Variants in LONP2 observed in about 807,000 individuals in gnomAD.
LONP2 encodes the protein lon protease homolog 2, peroxisomal.
A neutral mutation model predicts 85.6 loss-of-function variants in LONP2; 60 were observed. That is an observed-to-expected ratio of 0.70 (90% CI 0.57 to 0.87). The LOEUF (loss-of-function observed/expected upper bound fraction) is 0.87, where lower values mean the gene tolerates loss of function less well. Ranked by LOEUF, LONP2 falls within the 40% of genes least tolerant of loss-of-function variation. The pLI is 0.00. For synonymous variants in LONP2, 395 were observed against 389.7 expected (o/e 1.01, Z -0.16); for missense variants, 860 against 1,063.5 (o/e 0.81, Z 2.66).
intron 4 of LONP2, 82 bp downstream of exon 4, chr16:48,258,822 G>A (rs1971818366): frequency 3.1e-6 from 4 of 1,291,030 alleles, no homozygotes; most frequent in Non-Finnish European, 4.2e-6. Context: ...AAAGTTTATT[G>A]TCTCCTACCA....
At chr16:48,331,208 C>A (rs148430529) in intron 11 of LONP2, among the ~76,000 whole-genome samples, 59 of 152,304 alleles carry the variant, frequency 3.9e-4, no homozygotes, top group African/African-American at 1.4e-3. Context: ...TTTAATTAAG[C>A]AATGACACCT....
In LONP2 at chr16:48,347,296, G is replaced by C. The variant is rs143342431; in HGVS notation, c.1939-211G>C. On this transcript the variant is annotated intron_variant, in intron 12 of 14. Transcript: ENST00000285737. ...TATATTTTAAGGTAAAATTGCCTCT[G>C]ATAAATGTCAAAGAGGAAGTTTAGG... 4.6e-4 allele frequency among the ~76,000 whole-genome samples: 70 copies of C among 152,312 alleles called. 1 individual carries two copies. The highest frequency in any genetic ancestry group is 4.4e-3 in the Admixed American group (67 of 15,304).
intron 12 of LONP2, among the ~76,000 whole-genome samples, chr16:48,341,850 C>T (rs1288224850): frequency 6.6e-6 from 1 of 152,196 alleles, no homozygotes; most frequent in Non-Finnish European, 1.5e-5. Flanking sequence ...GCTCACACTG[C>T]ATGTGCTATC....
intron 12 of LONP2, 168 bp downstream of exon 12, chr16:48,334,526 C>A: frequency 1.3e-6 from 1 of 793,852 alleles, no homozygotes; most frequent in Non-Finnish European, 2.2e-6. Flanking sequence ...CTTCTTGCAG[C>A]AGTTGACTGC....
In LONP2 at chr16:48,341,301, A is replaced by AAAAT. The variant is rs371563291; in HGVS notation, c.1939-6180_1939-6177dup. 3.5e-3 allele frequency among the ~76,000 whole-genome samples: 535 copies of AAAAT among 151,948 alleles called. 2 individuals are homozygous for AAAAT. The highest frequency in any genetic ancestry group is 0.02 in the Middle Eastern group (6 of 294). On this transcript the variant is annotated intron_variant, in intron 12 of 14. Coordinates refer to ENST00000285737, the MANE Select transcript of LONP2 (RefSeq NM_031490.5). ...GGACACAGAGTGAGACTCCATCTCAAAAATAAATAAATAAATAAATAAATA... is the reference window on the plus strand; with the variant it reads ...GGACACAGAGTGAGACTCCATCTCAAAAATAAATAAATAAATAAATAAATAAATA...
At chr16:48,318,044 TC>T (rs1973182005) in intron 11 of LONP2, among the ~76,000 whole-genome samples, 1 of 151,866 alleles carries the variant, frequency 6.6e-6, no homozygotes, top group African/African-American at 2.4e-5. Flanking sequence ...TATGTGGTAC[TC>T]CCGGGATGTG....
At position 48,348,188 on chromosome 16, in the gene LONP2, A is replaced by G; in HGVS notation, c.2235A>G (p.Gly745=). Residue 745 remains glycine, a synonymous_variant, in exon 14 of 15, where the codon GGA becomes GGG. Transcript: ENST00000285737. ...TCACAAAAGATGGACCATCTGCTGG[A>G]GTTACCATAGTAACCTGTCTCGCCT... The part of the protein sequence containing the change: ...GAVTKDGPSA[G]VTIVTCLASL... 1 of 1,613,508 alleles carries G rather than the reference A, an allele frequency of 6.2e-7. No individual in the cohort carries two copies.
At chr16:48,275,358 G>C (rs1444642134) in intron 7 of LONP2, among the ~76,000 whole-genome samples, 1 of 152,174 alleles carries the variant, frequency 6.6e-6, no homozygotes, top group African/African-American at 2.4e-5. Flanking sequence ...TGCTGGCACG[G>C]TGGATCTGGT....
At chr16:48,251,243 A>G (rs569665476) in intron 1 of LONP2, among the ~76,000 whole-genome samples, 1 of 152,126 alleles carries the variant, frequency 6.6e-6, no homozygotes, top group South Asian at 2.1e-4. Context: ...TAGTCCTTCT[A>G]TTTTCTTTTC....
At chr16:48,316,569 C>T (rs1302992802) in intron 11 of LONP2, among the ~76,000 whole-genome samples, 1 of 152,004 alleles carries the variant, frequency 6.6e-6, no homozygotes. Context: ...TCAAGTGATC[C>T]ACCCACCTTG....
At chr16:48,322,316 T>C (rs1330478120) in intron 11 of LONP2, among the ~76,000 whole-genome samples, 1 of 152,192 alleles carries the variant, frequency 6.6e-6, no homozygotes, top group Non-Finnish European at 1.5e-5. Flanking sequence ...CCTTACTGTA[T>C]ATAAGCTTTT....
rs1344267846 is a variant in LONP2, at chr16:48,347,720, A to T, written c.2146+6A>T. 1 of 1,610,638 alleles carries T rather than the reference A, an allele frequency of 6.2e-7. No homozygotes were observed. The highest frequency in any genetic ancestry group is 8.5e-7 in the Non-Finnish European group (1 of 1,178,906). Reference sequence around the variant, plus strand: ...GAAGTACCAGCTGACCAATGGTAGGAGCCTGCACCCGGCCAGGCAGGCGTG... The same window carrying T: ...GAAGTACCAGCTGACCAATGGTAGGTGCCTGCACCCGGCCAGGCAGGCGTG... On this transcript the variant is annotated splice_donor_region_variant and intron_variant, in intron 13 of 14. Coordinates refer to ENST00000285737, the MANE Select transcript of LONP2 (RefSeq NM_031490.5).
chr16:48,310,641 C>A (rs117122094), intron 11 of LONP2, among the ~76,000 whole-genome samples: 2 of 152,166 alleles, frequency 1.3e-5, no homozygotes, highest in African/African-American at 4.8e-5. Context: ...CGTGAACCAC[C>A]GCAACCAGCC....
chr16:48,349,021 G>T (rs1184241047), intron 14 of LONP2, among the ~76,000 whole-genome samples: 1 of 152,038 alleles, frequency 6.6e-6, no homozygotes, highest in Non-Finnish European at 1.5e-5. Flanking sequence ...TGCTAGTATA[G>T]AATGGAAACT....
intron 6 of LONP2, among the ~76,000 whole-genome samples, chr16:48,263,783 G>C (rs1346713321): frequency 6.6e-6 from 1 of 152,172 alleles, no homozygotes; most frequent in Non-Finnish European, 1.5e-5. Context: ...CTTCCATACT[G>C]TTTTCATAAT....
At chr16:48,331,791 C>G (rs1959464124) in intron 11 of LONP2, among the ~76,000 whole-genome samples, 1 of 152,160 alleles carries the variant, frequency 6.6e-6, no homozygotes, top group Non-Finnish European at 1.5e-5. Flanking sequence ...GTCTCGATCT[C>G]CTGACCTCGT....
At position 48,258,665 on chromosome 16, in the gene LONP2, A is replaced by G. The variant is rs1267037236; in HGVS notation, c.648A>G (p.Pro216=). The part of the protein sequence containing the change: ...SLEERFKMTI[P]LLVRQIEGLK... ...AGGAGCGGTTCAAGATGACTATACC[A>G]CTGCTTGTCAGACAAATTGAAGGCC... The change falls in exon 4 of 15, where the codon CCA becomes CCG. Residue 216 remains proline, a synonymous_variant. Coordinates refer to ENST00000285737, the MANE Select transcript of LONP2 (RefSeq NM_031490.5). 1.9e-6 allele frequency: 3 copies of G among 1,611,888 alleles called. No homozygotes were observed. The highest frequency in any genetic ancestry group is 2.5e-6 in the Non-Finnish European group (3 of 1,179,124).
Position 48,330,193 on chromosome 16 carries a change from A to C in LONP2, c.1796-4023A>C, listed in dbSNP as rs1176246420. Reference sequence around the variant, plus strand: ...TATAATTTGAATTTCTTTGCTTCTCAGTGAAATAATAGTTTCTTTTATAGG... The same window carrying C: ...TATAATTTGAATTTCTTTGCTTCTCCGTGAAATAATAGTTTCTTTTATAGG... On this transcript the variant is annotated intron_variant, in intron 11 of 14. Coordinates refer to ENST00000285737, the MANE Select transcript of LONP2 (RefSeq NM_031490.5). Among the ~76,000 whole-genome samples, 5 of 152,218 alleles carry C rather than the reference A, an allele frequency of 3.3e-5. No homozygotes were observed. The East Asian group carries it at 9.6e-4, about 29-fold the overall frequency.
intron 11 of LONP2, among the ~76,000 whole-genome samples, chr16:48,321,958 ACTT>A (rs1416150375): frequency 4.1e-4 from 57 of 138,118 alleles, no homozygotes; most frequent in Non-Finnish European, 7.1e-4. Context: ...TTTTTTTTTT[ACTT>A]CTTTTTCTTT....
Sources: gnomAD v4.1 joint callset for allele counts (sites outside exome capture counted in the v4.1 genomes callset) on GRCh38, gnomAD v4.1.1 for gene constraint, MANE v1.5 for transcripts, NCBI Gene and HGNC (gene_info 2026-07-23, HGNC 2026-07-21) for gene names.